The following GREB1L variants were observed in gnomAD, a reference collection of about 807,000 sequenced individuals.
The protein encoded by GREB1L is GREB1 like retinoic acid receptor coactivator.
In GREB1L, 17 loss-of-function variants were observed where a neutral mutation model predicts 200.8. The ratio of observed to expected loss-of-function variants is 0.08; its 90% confidence interval spans 0.06 to 0.13. The LOEUF (loss-of-function observed/expected upper bound fraction) is 0.13, where lower values mean the gene tolerates loss of function less well. GREB1L is among the 10% of genes least tolerant of loss of function. The pLI, the probability that GREB1L is intolerant of heterozygous loss-of-function variation, is 1.00. For synonymous variants in GREB1L, 789 were observed against 893.0 expected, an observed-to-expected ratio of 0.88 and a Z score of 2.08; for missense variants, 1,657 against 2,367.7, an observed-to-expected ratio of 0.70 and a Z score of 6.23.
intron 2 of GREB1L, among the ~76,000 whole-genome samples, chr18:21,377,646 A>C (rs1429018781): frequency 4.6e-5 from 7 of 152,068 alleles, no homozygotes. Flanking sequence ...CAGTGAGCCA[A>C]GATTGTGCCA....
chr18:21,347,294 A>G (rs2039361604), intron 1 of GREB1L, among the ~76,000 whole-genome samples: 1 of 151,528 alleles, frequency 6.6e-6, no homozygotes, highest in Non-Finnish European at 1.5e-5. Flanking sequence ...AAAAAAACAA[A>G]CAAAAACAAA....
At chr18:21,468,018 C>G (rs140607372) in intron 15 of GREB1L, among the ~76,000 whole-genome samples, 60 of 146,380 alleles carry the variant, frequency 4.1e-4, no homozygotes, top group African/African-American at 1.5e-3. Context: ...GAGCGAGACT[C>G]CATCTGAAAA....
At chr18:21,345,871 C>CAAA (rs34189374) in intron 1 of GREB1L, among the ~76,000 whole-genome samples, 1 of 76,174 alleles carries the variant, frequency 1.3e-5, no homozygotes, top group Admixed American at 1.5e-4. Flanking sequence ...GACTCCATCT[C>CAAA]AAAAAAAAAA....
chr18:21,324,114 G>T (rs1310819965), intron 1 of GREB1L, among the ~76,000 whole-genome samples: 1 of 152,204 alleles, frequency 6.6e-6, no homozygotes, highest in Non-Finnish European at 1.5e-5. Flanking sequence ...GGGAATTCCA[G>T]TCAGTGACTC....
intron 6 of GREB1L, among the ~76,000 whole-genome samples, chr18:21,403,652 A>G (rs2041409092): frequency 6.6e-6 from 1 of 152,328 alleles, no homozygotes; most frequent in Admixed American, 6.5e-5. Context: ...ACAAAGGTCC[A>G]ATTTCTTTGA....
chr18:21,450,233 CAGTCTATTTAATATTGTAACAT>C (rs1314776023), intron 12 of GREB1L, among the ~76,000 whole-genome samples: 2 of 151,924 alleles, frequency 1.3e-5, no homozygotes, highest in Non-Finnish European at 2.9e-5. Flanking sequence ...TCTCACTGAA[CAGTCTATTTAATATTGTAACAT>C]AGTCTCTAAA....
intron 4 of GREB1L, among the ~76,000 whole-genome samples, chr18:21,389,479 C>T (rs747778790): frequency 5.9e-5 from 9 of 151,446 alleles, no homozygotes; most frequent in Non-Finnish European, 1.3e-4. Flanking sequence ...TGCTTTTCTC[C>T]TCTAGGTGTC....
chr18:21,400,892 C>T (rs998788841), intron 5 of GREB1L, among the ~76,000 whole-genome samples: 3 of 152,198 alleles, frequency 2.0e-5, no homozygotes, highest in African/African-American at 7.2e-5. Flanking sequence ...CTGTATTTAT[C>T]TACTCTATTT....
chr18:21,324,675 C>G lies in GREB1L; in HGVS notation c.-119-41352C>G, dbSNP rs1394401265. Among the ~76,000 whole-genome samples the G allele has an allele frequency of 5.3e-5, 8 of 152,084 alleles. No homozygotes were observed. The East Asian group carries it at 7.8e-4, about 15-fold the overall frequency. ...AATACAAAAAATTAGCCAGGCATGG[C>G]GGCATGTGCCTGTAGTCCCAGCTGC... is the stretch of plus-strand genomic sequence containing the variant. On this transcript the variant is annotated intron_variant, in intron 1 of 32. Coordinates refer to ENST00000424526, the MANE Select transcript of GREB1L (RefSeq NM_001142966.3).
intron 1 of GREB1L, among the ~76,000 whole-genome samples, chr18:21,326,846 C>G (rs2039030023): frequency 6.6e-6 from 1 of 152,128 alleles, no homozygotes; most frequent in Admixed American, 6.5e-5. Flanking sequence ...GCCTGTTGTT[C>G]CCTCCTCCTT....
intron 1 of GREB1L, among the ~76,000 whole-genome samples, chr18:21,282,184 G>T (rs779017114): frequency 2.6e-5 from 4 of 152,118 alleles, no homozygotes; most frequent in African/African-American, 9.7e-5. Context: ...GCTGTCAGGA[G>T]GATCACTTAA....
At chr18:21,491,803 A>G (rs745722884) in intron 19 of GREB1L, among the ~76,000 whole-genome samples, 1 of 152,152 alleles carries the variant, frequency 6.6e-6, no homozygotes, top group Non-Finnish European at 1.5e-5. Context: ...TGCAGACAAA[A>G]TATCTTGTAT....
chr18:21,250,875 C>T (rs1358542854), intron 1 of GREB1L, among the ~76,000 whole-genome samples: 1 of 152,112 alleles, frequency 6.6e-6, no homozygotes, highest in Non-Finnish European at 1.5e-5. Context: ...TGTTTCCTTT[C>T]TTCTTCCTTT....
chr18:21,295,704 A>G (rs2038516072), intron 1 of GREB1L, among the ~76,000 whole-genome samples: 1 of 152,204 alleles, frequency 6.6e-6, no homozygotes, highest in Non-Finnish European at 1.5e-5. Flanking sequence ...GGATGAGAGG[A>G]CAGAAGCAGG....
At chr18:21,383,949 C>T (rs949931853) in intron 3 of GREB1L, among the ~76,000 whole-genome samples, 27 of 152,008 alleles carry the variant, frequency 1.8e-4, no homozygotes, top group Non-Finnish European at 3.5e-4. Flanking sequence ...CTCCTGACCT[C>T]GTGATCCGCC....
At position 21,525,427 on chromosome 18, in the gene GREB1L, A is replaced by AT. The variant is rs988391127; in HGVS notation, c.*2612dup. On this transcript the variant is annotated 3_prime_UTR_variant, in exon 33 of 33. Transcript: ENST00000424526. The stretch of plus-strand genomic sequence containing the variant: ...TATCTCCCACCCCCTCCAAAAAGTT[A>AT]TTTTTTCTTTATAGTTTTCTGGCAT... The AT allele has an allele frequency of 5.9e-5, 9 of 151,602 alleles. No individual in the cohort carries two copies. Among genetic ancestry groups the AT allele is most frequent in the Non-Finnish European group, 1.2e-4 (8 of 67,904 alleles). 9.4% of individuals were successfully genotyped at this position (151,602 alleles called of 1,614,324 possible). A position where few individuals can be genotyped will look rare whatever the true frequency, so the allele number is the denominator to read the frequency against.
At chr18:21,242,559 C>CG (rs965443404) in intron 1 of GREB1L, among the ~76,000 whole-genome samples, 166 bp downstream of exon 1, 1 of 152,102 alleles carries the variant, frequency 6.6e-6, no homozygotes, top group Non-Finnish European at 1.5e-5. Flanking sequence ...GGAAGCTCAG[C>CG]GGGGGTGTGA....
At chr18:21,441,592 T>C (rs1236949087) in intron 10 of GREB1L, 55 bp downstream of exon 10, 21 of 1,459,062 alleles carry the variant, frequency 1.4e-5, no homozygotes, top group Middle Eastern at 1.8e-4. Context: ...GGAGTGTTTT[T>C]CCATTTCATT....
intron 7 of GREB1L, among the ~76,000 whole-genome samples, chr18:21,415,605 G>A (rs1567991622): frequency 6.6e-6 from 1 of 151,950 alleles, no homozygotes; most frequent in African/African-American, 2.4e-5. Flanking sequence ...AAGAGAGAAA[G>A]AGAAAGGAAG....
Sources: gnomAD v4.1 joint callset for allele counts (sites outside exome capture counted in the v4.1 genomes callset) on GRCh38, gnomAD v4.1.1 for gene constraint, MANE v1.5 for transcripts, NCBI Gene and HGNC (gene_info 2026-07-23, HGNC 2026-07-21) for gene names.